WDFY3: variants seen among roughly 807,000 people sequenced by gnomAD.
WDFY3 encodes WD repeat and FYVE domain-containing protein 3.
Under a neutral mutation model 409.6 loss-of-function variants are expected in WDFY3, and 66 were observed. The ratio of observed to expected loss-of-function variants is 0.16; its 90% CI spans 0.13 to 0.20. WDFY3 has a LOEUF of 0.20. WDFY3 is among the 10% of genes least tolerant of loss of function. The probability of loss-of-function intolerance (pLI) is 1.00; values close to 1 mark genes in which losing one functional copy is unlikely to be tolerated. For synonymous variants in WDFY3, 1,521 were observed against 1,537.1 expected, an observed-to-expected ratio of 0.99 and a Z score of 0.25; for missense variants, 3,031 against 4,298.1, an observed-to-expected ratio of 0.71 and a Z score of 8.24.
In WDFY3 at chr4:84,785,990, T is replaced by C. The variant is rs1461585973; in HGVS notation, c.4051A>G (p.Ile1351Val). The C allele has an allele frequency of 1.9e-6, 3 of 1,613,874 alleles. No individual in the cohort carries two copies. Among genetic ancestry groups the C allele is most frequent in the Non-Finnish European group, 2.5e-6 (3 of 1,179,910 alleles). ...ATCATTCTGCTTACCTGCTTAGCAATGGCTTTGCTATCCAATTTGTTATAC... is the reference window on the plus strand; with the variant it reads ...ATCATTCTGCTTACCTGCTTAGCAACGGCTTTGCTATCCAATTTGTTATAC... ...KVYNKLDSKA[I>V]AKQLGISSHE... Residue 1351 changes from isoleucine to valine, a missense_variant, in exon 24 of 68, where the codon ATT becomes GTT. Physicochemically the swap from Ile to Val is conservative, Grantham distance 29. Coordinates refer to ENST00000295888, the MANE Select transcript of WDFY3 (RefSeq NM_014991.6).
chr4:84,921,398 A>G (rs1401917033), intron 2 of WDFY3, among the ~76,000 whole-genome samples: 1 of 152,036 alleles, frequency 6.6e-6, no homozygotes, highest in African/African-American at 2.4e-5. Flanking sequence ...AAGGTAAGGG[A>G]AAAGAAGAAA....
intron 7 of WDFY3, among the ~76,000 whole-genome samples, chr4:84,832,373 G>A (rs1037332784): frequency 1.3e-5 from 2 of 151,994 alleles, no homozygotes; most frequent in African/African-American, 4.8e-5. Context: ...GCTGGTTAAG[G>A]GATACTGAAG....
intron 37 of WDFY3, 110 bp from the exon 38 acceptor site, chr4:84,742,031 T>C (rs1475553700): frequency 4.0e-6 from 4 of 1,003,744 alleles, no homozygotes; most frequent in Non-Finnish European, 5.6e-6. Context: ...CTACAACAGG[T>C]AGCAATATGA....
chr4:84,956,002 T>C (rs1248076087), intron 1 of WDFY3, among the ~76,000 whole-genome samples: 3 of 152,136 alleles, frequency 2.0e-5, no homozygotes, highest in Non-Finnish European at 4.4e-5. Context: ...AAATAGCACA[T>C]AACAAAATAA....
intron 9 of WDFY3, 126 bp downstream of exon 9, chr4:84,828,878 G>T: frequency 1.0e-6 from 1 of 968,608 alleles, no homozygotes; most frequent in Non-Finnish European, 1.4e-6. Context: ...AGGGAGTAAA[G>T]CCAGGTATAC....
chr4:84,751,904 C>T (rs554102782), intron 35 of WDFY3, among the ~76,000 whole-genome samples, 188 bp from the exon 36 acceptor site: 16 of 152,236 alleles, frequency 1.1e-4, no homozygotes, highest in African/African-American at 3.1e-4. Flanking sequence ...GTCATGGTTA[C>T]GCAACATATG....
intron 7 of WDFY3, 51 bp from the exon 8 acceptor site, chr4:84,831,656 A>G: frequency 6.6e-7 from 1 of 1,516,022 alleles, no homozygotes; most frequent in Non-Finnish European, 8.9e-7. Context: ...AAATCAAATA[A>G]TCTGATTTAA....
At chr4:84,756,668 A>G (rs1464735958) in intron 33 of WDFY3, among the ~76,000 whole-genome samples, 2 of 151,992 alleles carry the variant, frequency 1.3e-5, no homozygotes, top group South Asian at 2.1e-4. Context: ...AGTTCTTTAG[A>G]TCACCATTAA....
chr4:84,723,897 A>C (rs2149100428), intron 46 of WDFY3, among the ~76,000 whole-genome samples: 1 of 152,338 alleles, frequency 6.6e-6, no homozygotes, highest in South Asian at 2.1e-4. Context: ...AGAATCCGAA[A>C]GTCTATGGAC....
At chr4:84,963,033 C>G (rs1475962134) in intron 1 of WDFY3, among the ~76,000 whole-genome samples, 1 of 151,140 alleles carries the variant, frequency 6.6e-6, no homozygotes, top group East Asian at 1.9e-4. Flanking sequence ...CAAGGGGGAA[C>G]TGGATTTATC....
intron 14 of WDFY3, chr4:84,809,546 C>T (rs1204442198): frequency 1.1e-5 from 2 of 187,328 alleles, no homozygotes; most frequent in Admixed American, 1.1e-4. Context: ...CTATTGATAA[C>T]ACATATCAAT....
intron 1 of WDFY3, among the ~76,000 whole-genome samples, chr4:84,955,698 TA>T (rs1167044048): frequency 6.6e-6 from 1 of 152,162 alleles, no homozygotes; most frequent in African/African-American, 2.4e-5. Flanking sequence ...AATTAAAAAT[TA>T]AAAAAATCAA....
chr4:84,960,439 A>G (rs1774767212), intron 1 of WDFY3, among the ~76,000 whole-genome samples: 1 of 152,214 alleles, frequency 6.6e-6, no homozygotes, highest in Non-Finnish European at 1.5e-5. Context: ...CTCTATCATG[A>G]TAAGGACCTT....
chr4:84,695,554 G>GAGT (rs1578160534), intron 58 of WDFY3, among the ~76,000 whole-genome samples: 3 of 79,970 alleles, frequency 3.8e-5, no homozygotes, highest in East Asian at 9.1e-4. Flanking sequence ...AGAGAGAGAG[G>GAGT]CACGCATAGA....
At chr4:84,950,733 T>G (rs975620333) in intron 1 of WDFY3, among the ~76,000 whole-genome samples, 6 of 152,178 alleles carry the variant, frequency 3.9e-5, no homozygotes, top group African/African-American at 1.4e-4. Context: ...GAGGCTGCAG[T>G]GAGCGGAGAT....
intron 4 of WDFY3, among the ~76,000 whole-genome samples, chr4:84,852,272 G>A (rs901750609): frequency 6.6e-6 from 1 of 152,172 alleles, no homozygotes; most frequent in African/African-American, 2.4e-5. Context: ...TCACATCCCG[G>A]GAGGGATGGA....
At chr4:84,833,681 GAAA>G (rs1456812560) in intron 7 of WDFY3, among the ~76,000 whole-genome samples, 89 of 151,666 alleles carry the variant, frequency 5.9e-4, no homozygotes, top group Middle Eastern at 3.4e-3. Context: ...GAAAAGAAAA[GAAA>G]AGAAAAGAGA....
chr4:84,839,022 T>C (rs1300759652), intron 6 of WDFY3, among the ~76,000 whole-genome samples: 1 of 152,194 alleles, frequency 6.6e-6, no homozygotes, highest in Non-Finnish European at 1.5e-5. Flanking sequence ...ACACTGAATT[T>C]GCTTTTTAAA....
chr4:84,776,178 G>T (rs1421464543), intron 27 of WDFY3, among the ~76,000 whole-genome samples: 1 of 151,964 alleles, frequency 6.6e-6, no homozygotes, highest in African/African-American at 2.4e-5. Flanking sequence ...TGGGAGAAAT[G>T]AAAGTCTCTT....
Sources: gnomAD v4.1 joint callset for allele counts (sites outside exome capture counted in the v4.1 genomes callset) on GRCh38, gnomAD v4.1.1 for gene constraint, MANE v1.5 for transcripts, NCBI Gene and HGNC (gene_info 2026-07-23, HGNC 2026-07-21) for gene names.